PLEKHA7: variants seen among roughly 807,000 people sequenced by gnomAD.
PLEKHA7 encodes the protein pleckstrin homology domain containing A7, also known as pleckstrin homology domain-containing family A member 7.
In PLEKHA7, 104 loss-of-function variants were observed where a neutral mutation model predicts 170.0. The ratio of observed to expected loss-of-function variants is 0.61; its 90% CI spans 0.52 to 0.72. The LOEUF (loss-of-function observed/expected upper bound fraction) is 0.72, where lower values mean the gene tolerates loss of function less well. PLEKHA7 is among the 30% of genes least tolerant of loss of function. The pLI, the probability that PLEKHA7 is intolerant of heterozygous loss-of-function variation, is 0.00. For missense variants in PLEKHA7, 1,615 were observed against 1,671.7 expected, an observed-to-expected ratio of 0.97 and a Z score of 0.59; for synonymous variants, 648 against 660.8, an observed-to-expected ratio of 0.98 and a Z score of 0.30.
chr11:16,794,017 G>A (rs1175445512), intron 19 of PLEKHA7, among the ~76,000 whole-genome samples: 2 of 152,200 alleles, frequency 1.3e-5, no homozygotes, highest in African/African-American at 2.4e-5. Context: ...TTATTTTAAA[G>A]ATCAAAGCAT....
At chr11:16,875,155 A>C (rs1855177565) in intron 3 of PLEKHA7, among the ~76,000 whole-genome samples, 2 of 152,224 alleles carry the variant, frequency 1.3e-5, no homozygotes, top group African/African-American at 4.8e-5. Context: ...AAGAGTTGTC[A>C]GTCACAGCAT....
intron 3 of PLEKHA7, among the ~76,000 whole-genome samples, chr11:16,944,543 T>TAAAAA (rs34484852): frequency 7.2e-5 from 10 of 138,954 alleles, no homozygotes; most frequent in African/African-American, 2.7e-4. Flanking sequence ...TTCTTCTCCT[T>TAAAAA]AAAAAAAAAA....
Position 16,960,030 on chromosome 11 carries a change from C to G in PLEKHA7, c.221+53959G>C, listed in dbSNP as rs1048968565. ...GCAGTGGCAGGTCCTGCCCCCCAACCTCACTCCTGTGCCCTCCTTTCGCTG... is the reference window on the plus strand; with the variant it reads ...GCAGTGGCAGGTCCTGCCCCCCAACGTCACTCCTGTGCCCTCCTTTCGCTG... On this transcript the variant is annotated intron_variant, in intron 3 of 26. Transcript: ENST00000531066. Among the ~76,000 whole-genome samples, 4 of 152,350 alleles carry G rather than the reference C, an allele frequency of 2.6e-5. No homozygotes were observed. The East Asian group carries it at 7.7e-4, about 29-fold the overall frequency.
At chr11:16,985,670 C>T (rs1863683125) in intron 3 of PLEKHA7, among the ~76,000 whole-genome samples, 1 of 152,212 alleles carries the variant, frequency 6.6e-6, no homozygotes, top group Non-Finnish European at 1.5e-5. Context: ...GTGCTTGTTA[C>T]TTAATACTGT....
chr11:16,790,752 G>C, intron 21 of PLEKHA7, 46 bp downstream of exon 21: 1 of 1,568,288 alleles, frequency 6.4e-7, no homozygotes, highest in Non-Finnish European at 8.7e-7. Flanking sequence ...GCTGGAAGCA[G>C]TGTGGTGGGA....
intron 3 of PLEKHA7, among the ~76,000 whole-genome samples, chr11:16,944,720 T>C (rs1470932856): frequency 6.6e-6 from 1 of 152,136 alleles, no homozygotes. Flanking sequence ...CTGAGCAAAT[T>C]GTTGGAGATG....
chr11:16,860,195 G>C (rs930720698), intron 4 of PLEKHA7, among the ~76,000 whole-genome samples: 1 of 152,218 alleles, frequency 6.6e-6, no homozygotes, highest in African/African-American at 2.4e-5. Flanking sequence ...TGTGTGAAGT[G>C]AGCCTGAACA....
rs1590484348 is a variant in PLEKHA7 at position 16,888,795 on chromosome 11, T to C, written c.222-17613A>G. Among the ~76,000 whole-genome samples the C allele has an allele frequency of 2.0e-5, 3 of 151,726 alleles. No individual in the cohort carries two copies. The East Asian group carries it at 5.8e-4, about 29-fold the overall frequency. On this transcript the variant is annotated intron_variant, in intron 3 of 26. Transcript: ENST00000531066. ...TGACCTTCCCTCCACTATTGTCCTA[T>C]GACCCTGCCAAATCCCCCTCTGCGA...
intron 9 of PLEKHA7, among the ~76,000 whole-genome samples, chr11:16,829,205 G>A (rs1590250414): frequency 6.6e-6 from 1 of 151,976 alleles, no homozygotes; most frequent in South Asian, 2.1e-4. Flanking sequence ...TGTAGAGACT[G>A]GGTCTTGCTA....
intron 4 of PLEKHA7, among the ~76,000 whole-genome samples, chr11:16,859,554 G>C (rs1390147551): frequency 6.6e-6 from 1 of 152,182 alleles, no homozygotes. Context: ...CTCCCGAAGA[G>C]ACAACACTGA....
chr11:16,864,733 C>T (rs555826583), intron 4 of PLEKHA7, among the ~76,000 whole-genome samples: 6 of 152,294 alleles, frequency 3.9e-5, no homozygotes, highest in Admixed American at 1.3e-4. Flanking sequence ...ATTTGCCTTC[C>T]GCCATGATTG....
At chr11:16,843,519 G>A (rs1852134681) in intron 8 of PLEKHA7, among the ~76,000 whole-genome samples, 1 of 152,250 alleles carries the variant, frequency 6.6e-6, no homozygotes. Context: ...GGCAAACTTG[G>A]CCTGCAGCCA....
chr11:16,940,764 T>G (rs77726577), intron 3 of PLEKHA7, among the ~76,000 whole-genome samples: 1,784 of 152,280 alleles, frequency 0.012, 31 homozygotes, highest in African/African-American at 0.039. Context: ...ATAGTGCCTT[T>G]GTTTTTTCAC....
Position 16,778,872 on chromosome 11 carries a change from C to A in PLEKHA7, c.*126G>T. 1 of 692,100 alleles carries A rather than the reference C, an allele frequency of 1.4e-6. No homozygotes were observed. The allele number at this position is 692,100 out of a possible 1,614,324, so 42.9% of individuals were successfully genotyped here. A position where few individuals can be genotyped will look rare whatever the true frequency, so the allele number is the denominator to read the frequency against. ...GTGGTGAACACCCGCAGTCGGTAAG[C>A]TGCTCCTTCCTCCGGCCGGATTCCC... On this transcript the variant is annotated 3_prime_UTR_variant, in exon 27 of 27. Transcript: ENST00000531066.
intron 26 of PLEKHA7, among the ~76,000 whole-genome samples, chr11:16,782,268 T>C (rs962992265): frequency 2.6e-4 from 40 of 152,242 alleles, no homozygotes; most frequent in African/African-American, 9.4e-4. Context: ...CACAGTACAC[T>C]GTGATGAGGT....
At chr11:16,843,535 C>A (rs999316851) in intron 8 of PLEKHA7, among the ~76,000 whole-genome samples, 1 of 152,256 alleles carries the variant, frequency 6.6e-6, no homozygotes, top group African/African-American at 2.4e-5. Flanking sequence ...AGCCAAGGAT[C>A]CCTATAGTGG....
intron 3 of PLEKHA7, among the ~76,000 whole-genome samples, chr11:16,907,550 C>T (rs1400795980): frequency 8.3e-6 from 1 of 120,778 alleles, no homozygotes; most frequent in African/African-American, 3.0e-5. Context: ...CCGCCCCGTC[C>T]GGGAGGGAGG....
At chr11:16,948,152 C>T (rs867980858) in intron 3 of PLEKHA7, among the ~76,000 whole-genome samples, 2 of 151,892 alleles carry the variant, frequency 1.3e-5, no homozygotes, top group African/African-American at 2.4e-5. Flanking sequence ...AAGAGTAAAA[C>T]GGTGGTTACC....
chr11:16,825,039 A>G (rs1209782459), intron 10 of PLEKHA7, among the ~76,000 whole-genome samples: 1 of 152,240 alleles, frequency 6.6e-6, no homozygotes, highest in Admixed American at 6.5e-5. Flanking sequence ...GCTACAGCAC[A>G]ACAGGCCTTC....
Sources: gnomAD v4.1 joint callset for allele counts (sites outside exome capture counted in the v4.1 genomes callset) on GRCh38, gnomAD v4.1.1 for gene constraint, MANE v1.5 for transcripts, NCBI Gene and HGNC (gene_info 2026-07-23, HGNC 2026-07-21) for gene names.